Variants in CUL2 observed in about 807,000 individuals in gnomAD.
CUL2 encodes cullin 2.
Under a neutral mutation model 110.2 loss-of-function variants are expected in CUL2, and 22 were observed. That is an observed-to-expected ratio of 0.20 (90% CI 0.14 to 0.28). The LOEUF (loss-of-function observed/expected upper bound fraction) is 0.28, where lower values mean the gene tolerates loss of function less well. CUL2 is among the 10% of genes least tolerant of loss of function. The pLI is 1.00. For missense variants in CUL2, 631 were observed against 905.5 expected, an observed-to-expected ratio of 0.70 and a Z score of 3.89; for synonymous variants, 279 against 293.2, an observed-to-expected ratio of 0.95 and a Z score of 0.49.
In CUL2 at chr10:35,010,307, G is replaced by T; in HGVS notation, c.*4C>A. 6.2e-7 allele frequency: 1 copy of T among 1,603,462 alleles called. No individual in the cohort carries two copies. The highest frequency in any genetic ancestry group is 1.1e-5 in the South Asian group (1 of 89,606). On this transcript the variant is annotated 3_prime_UTR_variant, in exon 21 of 21. Transcript: ENST00000374749. ...TTCTCACACCACGCTGGAGGAGAGC[G>T]ACATCACGCGACGTAGCTGTATTCA...
chr10:35,052,474 G>A (rs906564270), intron 5 of CUL2, among the ~76,000 whole-genome samples: 10 of 152,142 alleles, frequency 6.6e-5, no homozygotes, highest in Non-Finnish European at 1.3e-4. Flanking sequence ...ATAACTCCAT[G>A]AGCATAAGAT....
intron 1 of CUL2, among the ~76,000 whole-genome samples, chr10:35,082,134 GAA>G (rs57996012): frequency 1.4e-5 from 2 of 139,630 alleles, no homozygotes; most frequent in Non-Finnish European, 3.1e-5. Context: ...CATCTTGACT[GAA>G]AAAAAAAAAA....
chr10:35,120,065 A>G (rs2087660217), intron 1 of CUL2: 2 of 152,184 alleles, frequency 1.3e-5, no homozygotes, highest in Admixed American at 6.5e-5. Flanking sequence ...AAAACTGATC[A>G]TCTATGGGGA....
intron 1 of CUL2, among the ~76,000 whole-genome samples, chr10:35,109,488 G>A (rs1432808236): frequency 6.6e-6 from 1 of 152,174 alleles, no homozygotes; most frequent in Admixed American, 6.6e-5. Flanking sequence ...AGATAATTTT[G>A]TCTAGTAATT....
intron 18 of CUL2, among the ~76,000 whole-genome samples, chr10:35,015,980 A>C (rs11594549): frequency 0.14 from 20,612 of 152,192 alleles, 1,586 homozygotes; most frequent in South Asian, 0.2. Flanking sequence ...GACAAATAAA[A>C]TCAAACTATA....
intron 5 of CUL2, among the ~76,000 whole-genome samples, chr10:35,053,624 T>C (rs1589007280): frequency 6.6e-6 from 1 of 152,326 alleles, no homozygotes; most frequent in Non-Finnish European, 1.5e-5. Context: ...TATGGATCAC[T>C]AGGCTTAGGA....
intron 4 of CUL2, 25 bp from the exon 5 acceptor site, chr10:35,054,564 G>A (rs1773049513): frequency 7.9e-7 from 1 of 1,265,550 alleles, no homozygotes; most frequent in Non-Finnish European, 1.1e-6. Flanking sequence ...TAATATCAAT[G>A]GATATTAAGT....
chr10:35,126,427 T>G (rs761450743), intron 1 of CUL2: 1 of 152,416 alleles, frequency 6.6e-6, no homozygotes, highest in Non-Finnish European at 1.5e-5. Flanking sequence ...CTTTTAGAAG[T>G]CAGAAGAAGC....
intron 1 of CUL2, among the ~76,000 whole-genome samples, chr10:35,107,664 C>T (rs1225833552): frequency 9.3e-5 from 14 of 151,054 alleles, no homozygotes; most frequent in Admixed American, 5.3e-4. Flanking sequence ...GGGTGAATCA[C>T]GAGGTCAGGA....
At chr10:35,012,053 CT>C (rs5784438) in intron 19 of CUL2, 89 bp from the exon 20 acceptor site, 91,609 of 470,850 alleles carry the variant, frequency 0.19, 210 homozygotes, top group South Asian at 0.23. Context: ...AGTGCAAATA[CT>C]TTTTTTTTTT....
intron 17 of CUL2, among the ~76,000 whole-genome samples, chr10:35,018,280 C>T (rs574023464): frequency 1.6e-4 from 15 of 94,270 alleles, no homozygotes; most frequent in African/African-American, 6.5e-4. Flanking sequence ...GAGCAAGACT[C>T]CATCTCACAA....
At chr10:35,023,478 A>G (rs912284445) in intron 17 of CUL2, among the ~76,000 whole-genome samples, 10 of 152,220 alleles carry the variant, frequency 6.6e-5, no homozygotes, top group Non-Finnish European at 1.5e-4. Context: ...ATAGCTCAAA[A>G]ACAGAAAGAA....
rs1290543094 is a variant in CUL2 at position 35,031,035 on chromosome 10, A to G, written c.1386+265T>C. 6.6e-6 allele frequency among the ~76,000 whole-genome samples: 1 copy of G among 152,204 alleles called. No homozygotes were observed. Among genetic ancestry groups the G allele is most frequent in the South Asian group, 2.1e-4 (1 of 4,832 alleles). On this transcript the variant is annotated intron_variant, in intron 14 of 20. Coordinates refer to ENST00000374749, the MANE Select transcript of CUL2 (RefSeq NM_003591.4). This position sits in a 1 kb window ranked among gnomAD's most constrained non-coding sequence, Gnocchi z 4.4. ...AATGGAATTGCACTCCAAAATCTGT[A>G]CTTAAAGGAATATTTTAGGTGTATT...
At chr10:35,035,542 C>T (rs2085600534) in intron 9 of CUL2, among the ~76,000 whole-genome samples, 1 of 152,122 alleles carries the variant, frequency 6.6e-6, no homozygotes, top group South Asian at 2.1e-4. Flanking sequence ...CCCTTTGCCC[C>T]TTTTAATACA....
At chr10:35,065,018 G>A (rs1228794676) in intron 2 of CUL2, among the ~76,000 whole-genome samples, 1 of 152,106 alleles carries the variant, frequency 6.6e-6, no homozygotes, top group Non-Finnish European at 1.5e-5. Context: ...TTTTAATGCA[G>A]TGAATCCACC....
intron 2 of CUL2, among the ~76,000 whole-genome samples, chr10:35,069,421 G>A (rs913759169): frequency 4.6e-5 from 7 of 151,986 alleles, no homozygotes; most frequent in African/African-American, 1.7e-4. Flanking sequence ...CATGCCTGTA[G>A]TCCCAGCTAC....
chr10:35,105,300 C>G (rs2087439183), intron 1 of CUL2, among the ~76,000 whole-genome samples: 1 of 151,920 alleles, frequency 6.6e-6, no homozygotes, highest in African/African-American at 2.4e-5. Flanking sequence ...GTGGCCGGCG[C>G]CTGTAGTCCC....
chr10:35,114,423 C>A (rs144949337), intron 1 of CUL2, among the ~76,000 whole-genome samples: 3,038 of 151,868 alleles, frequency 0.02, 90 homozygotes, highest in African/African-American at 0.069. Context: ...GCTCTTGTCA[C>A]CCAGGCTGGA....
intron 4 of CUL2, among the ~76,000 whole-genome samples, chr10:35,056,507 G>A (rs12774536): frequency 0.14 from 21,000 of 152,094 alleles, 1,620 homozygotes; most frequent in South Asian, 0.2. Flanking sequence ...AAGGTCAATC[G>A]GCTCCTAAGT....
Sources: gnomAD v4.1 joint callset for allele counts (sites outside exome capture counted in the v4.1 genomes callset) on GRCh38, gnomAD v4.1.1 for gene constraint, Gnocchi (gnomAD v3.1) non-coding constraint, MANE v1.5 for transcripts, NCBI Gene and HGNC (gene_info 2026-07-23, HGNC 2026-07-21) for gene names.